The following AS3MT variants were observed in gnomAD, a reference collection of about 807,000 sequenced individuals.
The protein encoded by AS3MT is arsenite methyltransferase, also known as S-adenosyl-L-methionine:arsenic(III) methyltransferase.
Under a neutral mutation model 45.3 loss-of-function variants are expected in AS3MT, and 47 were observed. The observed-to-expected ratio is 1.04, with a 90% CI of 0.82 to 1.32. The LOEUF is 1.32. Ranked by LOEUF, AS3MT falls within the 40% of genes most tolerant of loss-of-function variation. The pLI, the probability that AS3MT is intolerant of heterozygous loss-of-function variation, is 0.00. For synonymous variants in AS3MT, 141 were observed against 152.8 expected, an observed-to-expected ratio of 0.92 and a Z score of 0.57; for missense variants, 396 against 451.1, an observed-to-expected ratio of 0.88 and a Z score of 1.11.
At chr10:102,894,205 C>G (rs1424025644) in intron 10 of AS3MT, among the ~76,000 whole-genome samples, 3 of 151,932 alleles carry the variant, frequency 2.0e-5, no homozygotes, top group African/African-American at 7.2e-5. Flanking sequence ...GCGGGTGGAT[C>G]ACAAGGTCAG....
In AS3MT at chr10:102,870,204, GC is replaced by G. The variant is rs1192951102; in HGVS notation, c.166del (p.Leu56Ter). ...CTTGCAAAATGTACACGAAGAAGTA[GC>G]CCTAAGGTAGAGTGCCCTGTGCTGT... The part of the protein sequence containing the change: ...EALQNVHEEV[A>X]LRYYGCGLVI... On this transcript the variant is annotated frameshift_variant, in exon 3 of 11. Coordinates refer to ENST00000369880, the MANE Select transcript of AS3MT (RefSeq NM_020682.4). LOFTEE classifies it high-confidence loss of function. 6.2e-7 allele frequency: 1 copy of G among 1,614,192 alleles called. No individual in the cohort carries two copies. The highest frequency in any genetic ancestry group is 1.1e-5 in the South Asian group (1 of 91,084).
Position 102,878,475 on chromosome 10 carries a change from T to C in AS3MT, c.707T>C (p.Ile236Thr), listed in dbSNP as rs1340208767. The C allele has an allele frequency of 6.2e-7, 1 of 1,614,120 alleles. No individual in the cohort carries two copies. The highest frequency in any genetic ancestry group is 1.7e-5 in the Admixed American group (1 of 59,998). ...CCACGTTTGGTCACTGCCAATCTCA[T>C]TACAATTCAAAACAAGGAACTGGAA... ...CPPRLVTANLITIQNKELERV... is the reference protein window; with the variant it reads ...CPPRLVTANLTTIQNKELERV... Residue 236 changes from isoleucine to threonine, a missense_variant, in exon 8 of 11, where the codon ATT (isoleucine) becomes ACT (threonine). Physicochemically the swap from Ile to Thr is moderately conservative, Grantham distance 89. Coordinates refer to ENST00000369880, the MANE Select transcript of AS3MT (RefSeq NM_020682.4).
At position 102,876,953 on chromosome 10, in the gene AS3MT, G is replaced by T. The variant is rs1450236170; in HGVS notation, c.529-1G>T. The T allele has an allele frequency of 1.2e-6, 2 of 1,614,018 alleles. No homozygotes were observed. Among genetic ancestry groups the T allele is most frequent in the South Asian group, 2.2e-5 (2 of 91,076 alleles). On this transcript the variant is annotated splice_acceptor_variant, in intron 6 of 10. Transcript: ENST00000369880. LOFTEE classifies it high-confidence loss of function. Reference sequence around the variant, plus strand: ...TTTGGACTAATATGCCTCTGTTTCAGCATGGTGGGGAGTTATATTTCAGTG... The same window carrying T: ...TTTGGACTAATATGCCTCTGTTTCATCATGGTGGGGAGTTATATTTCAGTG...
intron 10 of AS3MT, among the ~76,000 whole-genome samples, chr10:102,897,362 C>T (rs528406337): frequency 5.0e-4 from 73 of 144,658 alleles, no homozygotes; most frequent in African/African-American, 1.8e-3. Flanking sequence ...CCAGCCTGGG[C>T]GACAGAGTGA....
chr10:102,870,267 A>G, intron 3 of AS3MT, 56 bp downstream of exon 3: 2 of 1,599,812 alleles, frequency 1.3e-6, no homozygotes, highest in Non-Finnish European at 8.6e-7. Flanking sequence ...TTCCCAAAAG[A>G]TAATGATGCA....
chr10:102,880,452 T>C (rs552852934), intron 9 of AS3MT, among the ~76,000 whole-genome samples: 1 of 152,318 alleles, frequency 6.6e-6, no homozygotes, highest in Non-Finnish European at 1.5e-5. Context: ...TGATTTAGAT[T>C]ATGATGCAAT....
intron 10 of AS3MT, among the ~76,000 whole-genome samples, chr10:102,893,970 G>T (rs903445841): frequency 6.6e-6 from 1 of 151,948 alleles, no homozygotes; most frequent in Non-Finnish European, 1.5e-5. Context: ...GTGTCTTTTG[G>T]CTCTAAGCCC....
chr10:102,870,030 G>A, intron 2 of AS3MT, 54 bp from the exon 3 acceptor site: 1 of 1,570,240 alleles, frequency 6.4e-7, no homozygotes, highest in East Asian at 2.3e-5. Flanking sequence ...TCGCGCTGCA[G>A]TCACAGCTCT....
At chr10:102,873,266 C>A (rs1844723984) in intron 5 of AS3MT, 33 bp downstream of exon 5, 3 of 1,438,246 alleles carry the variant, frequency 2.1e-6, no homozygotes, top group African/African-American at 1.5e-5. Context: ...ATGACTATAG[C>A]CCATTTTCTT....
chr10:102,872,588 C>G lies in AS3MT; in HGVS notation c.311C>G (p.Thr104Ser), dbSNP rs764428592. Residue 104 changes from threonine (T) to serine (S), a missense_variant, in exon 4 of 11, where the codon ACC becomes AGC. By Grantham distance (58) the Thr-to-Ser change is moderately conservative. Coordinates refer to ENST00000369880, the MANE Select transcript of AS3MT (RefSeq NM_020682.4). ...EKGHVTGIDMTKGQVEVAEKY... is the reference protein window; with the variant it reads ...EKGHVTGIDMSKGQVEVAEKY... ...GGACACGTGACTGGAATAGACATGA[C>G]CAAAGGCCAGGTGAGGCATGATTTG... 1 of 1,606,970 alleles carries G rather than the reference C, an allele frequency of 6.2e-7. No individual in the cohort carries two copies. The highest frequency in any genetic ancestry group is 8.5e-7 in the Non-Finnish European group (1 of 1,177,946).
intron 7 of AS3MT, among the ~76,000 whole-genome samples, chr10:102,877,941 T>TG (rs943388195): frequency 6.6e-6 from 1 of 151,870 alleles, no homozygotes; most frequent in South Asian, 2.1e-4. Context: ...TTAGTAGAGA[T>TG]GGGGTTTCAC....
intron 6 of AS3MT, among the ~76,000 whole-genome samples, chr10:102,875,319 A>G (rs1844766102): frequency 6.6e-6 from 1 of 151,874 alleles, no homozygotes; most frequent in Non-Finnish European, 1.5e-5. Flanking sequence ...TCTACTAAAA[A>G]TACAAAAATT....
intron 10 of AS3MT, among the ~76,000 whole-genome samples, chr10:102,891,037 A>G (rs1053773688): frequency 6.6e-6 from 1 of 151,992 alleles, no homozygotes; most frequent in African/African-American, 2.4e-5. Context: ...CTTGAGGCGC[A>G]CTTCTCTTGC....
chr10:102,878,453 C>A lies in AS3MT; in HGVS notation c.685C>A (p.Arg229Ser), dbSNP rs756399134. The A allele has an allele frequency of 4.3e-6, 7 of 1,613,982 alleles. No homozygotes were observed. The highest frequency in any genetic ancestry group is 5.9e-6 in the Non-Finnish European group (7 of 1,179,972). ...TCAAAAAATTGGGTTCTGCCCTCCA[C>A]GTTTGGTCACTGCCAATCTCATTAC... ...LAQKIGFCPPRLVTANLITIQ... is the reference protein window; with the variant it reads ...LAQKIGFCPPSLVTANLITIQ... The change falls in exon 8 of 11, where the codon CGT becomes AGT. Residue 229 changes from arginine (R) to serine (S), a missense_variant. Physicochemically the swap from Arg to Ser is moderately radical, Grantham distance 110. Transcript: ENST00000369880.
intron 9 of AS3MT, among the ~76,000 whole-genome samples, chr10:102,882,987 T>C (rs561563712): frequency 6.6e-6 from 1 of 152,206 alleles, no homozygotes; most frequent in African/African-American, 2.4e-5. Context: ...TTCCAGTAGA[T>C]ACACAGAATC....
At chr10:102,895,115 C>T (rs796994339) in intron 10 of AS3MT, among the ~76,000 whole-genome samples, 1 of 152,028 alleles carries the variant, frequency 6.6e-6, no homozygotes, top group African/African-American at 2.4e-5. Context: ...AGTTATGACA[C>T]CCTAATTTGA....
intron 9 of AS3MT, among the ~76,000 whole-genome samples, chr10:102,884,766 C>G (rs1018801662): frequency 6.6e-6 from 1 of 151,970 alleles, no homozygotes; most frequent in African/African-American, 2.4e-5. Flanking sequence ...AGGCTGGTCT[C>G]TAACTCCTGA....
At chr10:102,876,108 G>C (rs976105754) in intron 6 of AS3MT, among the ~76,000 whole-genome samples, 1 of 151,998 alleles carries the variant, frequency 6.6e-6, no homozygotes, top group Non-Finnish European at 1.5e-5. Flanking sequence ...CACTATTATA[G>C]AATCTAGATC....
chr10:102,894,512 C>G (rs1590230724), intron 10 of AS3MT, among the ~76,000 whole-genome samples: 2 of 152,110 alleles, frequency 1.3e-5, no homozygotes, highest in Admixed American at 6.6e-5. Flanking sequence ...CGGGCAAAGG[C>G]ATTGCAAAGT....
Sources: gnomAD v4.1 joint callset for allele counts (sites outside exome capture counted in the v4.1 genomes callset) on GRCh38, gnomAD v4.1.1 for gene constraint, MANE v1.5 for transcripts, NCBI Gene and HGNC (gene_info 2026-07-23, HGNC 2026-07-21) for gene names.